ANKS1A: variants seen among roughly 807,000 people sequenced by gnomAD.
ANKS1A encodes ankyrin repeat and sterile alpha motif domain containing 1A, also known as ankyrin repeat and SAM domain-containing protein 1A.
Under a neutral mutation model 120.3 loss-of-function variants are expected in ANKS1A, and 55 were observed. That is an observed-to-expected ratio of 0.46 (90% CI 0.37 to 0.57). The LOEUF (loss-of-function observed/expected upper bound fraction) is 0.57. ANKS1A is among the 20% of genes least tolerant of loss of function. The pLI is 0.00. For synonymous variants in ANKS1A, 590 were observed against 604.7 expected, an observed-to-expected ratio of 0.98 and a Z score of 0.36; for missense variants, 1,123 against 1,480.3, an observed-to-expected ratio of 0.76 and a Z score of 3.96.
intron 12 of ANKS1A, among the ~76,000 whole-genome samples, chr6:35,055,352 C>T (rs1291283170): frequency 6.0e-5 from 9 of 150,550 alleles, no homozygotes; most frequent in Admixed American, 5.9e-4. Flanking sequence ...TTTTTTGAGA[C>T]GGAGTCTCAC....
At chr6:35,063,696 C>A (rs544922459) in intron 13 of ANKS1A, among the ~76,000 whole-genome samples, 1 of 152,180 alleles carries the variant, frequency 6.6e-6, no homozygotes, top group Non-Finnish European at 1.5e-5. Context: ...GGAGTGTAAT[C>A]GTTTTTCTCC....
intron 1 of ANKS1A, among the ~76,000 whole-genome samples, chr6:34,953,827 A>C (rs1193033320): frequency 1.3e-5 from 2 of 152,170 alleles, no homozygotes; most frequent in East Asian, 3.9e-4. Flanking sequence ...TGTTTTGCTC[A>C]TTGAGTAAAT....
chr6:34,960,724 G>T (rs1333722501), intron 1 of ANKS1A, among the ~76,000 whole-genome samples: 1 of 152,104 alleles, frequency 6.6e-6, no homozygotes, highest in African/African-American at 2.4e-5. Context: ...ATAGGGCAAG[G>T]CTTGCTGCGC....
intron 13 of ANKS1A, among the ~76,000 whole-genome samples, chr6:35,065,948 C>T (rs980348428): frequency 1.3e-5 from 2 of 152,174 alleles, no homozygotes; most frequent in African/African-American, 4.8e-5. Flanking sequence ...TATGAAGCTC[C>T]GGGTTAGTTA....
chr6:35,086,127 C>A lies in ANKS1A; in HGVS notation c.3303+191C>A. The A allele has an allele frequency of 8.7e-7, 1 of 1,154,536 alleles. No individual in the cohort carries two copies. Among genetic ancestry groups the A allele is most frequent in the Non-Finnish European group, 1.2e-6 (1 of 833,684 alleles). 71.5% of individuals were successfully genotyped at this position (1,154,536 alleles called of 1,614,324 possible). A position where few individuals can be genotyped will look rare whatever the true frequency, so the allele number is the denominator to read the frequency against. On this transcript the variant is annotated intron_variant, in intron 22 of 23. Coordinates refer to ENST00000360359, the MANE Select transcript of ANKS1A (RefSeq NM_015245.3). This position sits in a 1 kb window ranked among gnomAD's most constrained non-coding sequence, Gnocchi z 5.1. ...AAGGCAGCAGCTCCTCTGGCCTGGGCGGGCCTCTCATGCTCCTGTTTCCCT... is the reference window on the plus strand; with the variant it reads ...AAGGCAGCAGCTCCTCTGGCCTGGGAGGGCCTCTCATGCTCCTGTTTCCCT...
At chr6:34,976,189 C>T (rs1771574880) in intron 3 of ANKS1A, among the ~76,000 whole-genome samples, 1 of 149,446 alleles carries the variant, frequency 6.7e-6, no homozygotes, top group South Asian at 2.1e-4. Flanking sequence ...AGGTTTTGTC[C>T]TGATTCAGTG....
intron 9 of ANKS1A, among the ~76,000 whole-genome samples, chr6:34,991,869 T>A (rs1772596058): frequency 6.7e-6 from 1 of 149,616 alleles, no homozygotes; most frequent in Non-Finnish European, 1.5e-5. Flanking sequence ...AAAAAAAAGA[T>A]TAAGGAGTAA....
rs1347942537 is a variant in ANKS1A at position 35,017,502 on chromosome 6, C to G, written c.1453C>G (p.Gln485Glu). Residue 485 changes from glutamine to glutamate, a missense_variant, in exon 11 of 24, where the codon CAG becomes GAG. Physicochemically the swap from Gln to Glu is conservative, Grantham distance 29. Coordinates refer to ENST00000360359, the MANE Select transcript of ANKS1A (RefSeq NM_015245.3). ...DHRRSSSSRSQDSAEGQDGQV... is the reference protein window; with the variant it reads ...DHRRSSSSRSEDSAEGQDGQV... ...CAGGCGGAGCAGCAGCAGCCGGAGC[C>G]AGGACTCTGCGGAGGGGCAGGACGG... The G allele has an allele frequency of 1.2e-6, 2 of 1,612,952 alleles. No individual in the cohort carries two copies. The highest frequency in any genetic ancestry group is 2.7e-5 in the African/African-American group (2 of 74,928).
At chr6:34,978,576 C>T (rs577659631) in intron 3 of ANKS1A, among the ~76,000 whole-genome samples, 29 of 152,124 alleles carry the variant, frequency 1.9e-4, no homozygotes, top group African/African-American at 5.3e-4. Context: ...GAGGCCGAGG[C>T]GGGCAGATCA....
chr6:34,977,383 A>G (rs1771656239), intron 3 of ANKS1A, among the ~76,000 whole-genome samples: 1 of 141,084 alleles, frequency 7.1e-6, no homozygotes, highest in African/African-American at 2.5e-5. Flanking sequence ...TAAACCTACT[A>G]CTAGCATTTT....
intron 13 of ANKS1A, among the ~76,000 whole-genome samples, chr6:35,066,559 G>T (rs906037433): frequency 6.6e-6 from 1 of 151,830 alleles, no homozygotes; most frequent in African/African-American, 2.4e-5. Flanking sequence ...GGGTCAGAGT[G>T]GGGGGGTGCT....
intron 3 of ANKS1A, among the ~76,000 whole-genome samples, chr6:34,981,482 C>G (rs1396588270): frequency 6.6e-6 from 1 of 152,202 alleles, no homozygotes; most frequent in Non-Finnish European, 1.5e-5. Flanking sequence ...GACTTCTCCC[C>G]TCTCACAGTC....
At chr6:34,964,805 C>G (rs1770814404) in intron 1 of ANKS1A, among the ~76,000 whole-genome samples, 1 of 152,166 alleles carries the variant, frequency 6.6e-6, no homozygotes, top group Non-Finnish European at 1.5e-5. Flanking sequence ...TCGATGGTGC[C>G]AAATTGTCTT....
chr6:34,945,490 A>G (rs923089919), intron 1 of ANKS1A, among the ~76,000 whole-genome samples: 1 of 152,206 alleles, frequency 6.6e-6, no homozygotes, highest in Non-Finnish European at 1.5e-5. Flanking sequence ...AGACCATCTT[A>G]TCTCCACTGA....
At chr6:34,952,985 C>T (rs962210316) in intron 1 of ANKS1A, among the ~76,000 whole-genome samples, 15 of 152,342 alleles carry the variant, frequency 9.8e-5, no homozygotes, top group African/African-American at 3.4e-4. Context: ...GCTGGGATTA[C>T]AGGCGTGAGC....
chr6:35,087,396 A>C (rs1778053834), intron 23 of ANKS1A, among the ~76,000 whole-genome samples: 1 of 152,222 alleles, frequency 6.6e-6, no homozygotes, highest in Admixed American at 6.5e-5. Flanking sequence ...CGGGCAGGGC[A>C]GTCTCCAGCA....
At chr6:35,092,014 C>T (rs13208078), downstream of ANKS1A, among the ~76,000 whole-genome samples, 25,437 of 152,166 alleles carry the variant, frequency 0.17, 2,795 homozygotes, top group African/African-American at 0.29. Context: ...CACTGATTGA[C>T]GGAGCACCTT....
chr6:35,043,514 T>G (rs1348662579), intron 11 of ANKS1A, among the ~76,000 whole-genome samples: 1 of 152,128 alleles, frequency 6.6e-6, no homozygotes, highest in Non-Finnish European at 1.5e-5. Context: ...GAAGGTGGTT[T>G]GAGAGTTTCT....
chr6:35,019,440 G>A (rs1774211603), intron 11 of ANKS1A, among the ~76,000 whole-genome samples: 1 of 152,142 alleles, frequency 6.6e-6, no homozygotes, highest in Non-Finnish European at 1.5e-5. Context: ...GGTGGGGGCT[G>A]TGCTTCCAGC....
Sources: gnomAD v4.1 joint callset for allele counts (sites outside exome capture counted in the v4.1 genomes callset) on GRCh38, gnomAD v4.1.1 for gene constraint, Gnocchi (gnomAD v3.1) non-coding constraint, MANE v1.5 for transcripts, NCBI Gene and HGNC (gene_info 2026-07-23, HGNC 2026-07-21) for gene names.